Variants in DCDC1 observed in about 807,000 individuals in gnomAD.
The protein encoded by DCDC1 is doublecortin domain containing 1.
In DCDC1, 200 loss-of-function variants were observed where a neutral mutation model predicts 178.3. That is an observed-to-expected ratio of 1.12 (90% CI 1.00 to 1.26). DCDC1 has a LOEUF of 1.26. Among genes scored for constraint, DCDC1 ranks in the 50% most tolerant of loss-of-function variants. The pLI is 0.00. For synonymous variants in DCDC1, 690 were observed against 604.8 expected (o/e 1.14, Z -2.07); for missense variants, 1,983 against 1,749.2 (o/e 1.13, Z -2.38).
At chr11:31,215,654 A>G (rs1001734970) in intron 9 of DCDC1, among the ~76,000 whole-genome samples, 2 of 151,888 alleles carry the variant, frequency 1.3e-5, no homozygotes, top group Non-Finnish European at 2.9e-5. Context: ...TTAGCCGGGC[A>G]TGGTGGTGTG....
At chr11:31,368,942 ACACCAC>A (rs534970534) in intron 1 of DCDC1, among the ~76,000 whole-genome samples, 1 of 151,596 alleles carries the variant, frequency 6.6e-6, no homozygotes, top group Admixed American at 6.6e-5. Flanking sequence ...GGTGAGAAAA[ACACCAC>A]CACCACCACC....
At chr11:31,087,696 T>C (rs978460943) in intron 17 of DCDC1, among the ~76,000 whole-genome samples, 1 of 152,164 alleles carries the variant, frequency 6.6e-6, no homozygotes, top group African/African-American at 2.4e-5. Flanking sequence ...ACACACTCTA[T>C]ATTACTTGAA....
At chr11:30,927,520 C>T (rs1289224264) in intron 22 of DCDC1, among the ~76,000 whole-genome samples, 3 of 152,020 alleles carry the variant, frequency 2.0e-5, no homozygotes, top group East Asian at 1.9e-4. Flanking sequence ...GAAAACAAGC[C>T]TTGGAGAAGG....
At position 30,894,361 on chromosome 11, in the gene DCDC1, G is replaced by T. The variant is rs1944033599; in HGVS notation, c.4789C>A (p.Pro1597Thr). 1 of 1,613,668 alleles carries T rather than the reference G, an allele frequency of 6.2e-7. No individual in the cohort carries two copies. The highest frequency in any genetic ancestry group is 1.3e-5 in the African/African-American group (1 of 74,908). The change falls in exon 35 of 39, where the codon CCA (proline) becomes ACA (threonine). Residue 1597 changes from proline to threonine, a missense_variant. Physicochemically the swap from Pro to Thr is conservative, Grantham distance 38. Coordinates refer to ENST00000684477, the MANE Select transcript of DCDC1 (RefSeq NM_001387274.1). ...LKGRRVAACQ[P>T]ATMVPTKSPV... ...CTCTTGGTAGGAACCATGGTGGCTG[G>T]CTGACATGCCGCTACTCGCCGCCCT...
intron 28 of DCDC1, among the ~76,000 whole-genome samples, chr11:30,910,629 T>G (rs2134171335): frequency 6.6e-6 from 1 of 152,270 alleles, no homozygotes; most frequent in African/African-American, 2.4e-5. Context: ...AAAGCAGGAA[T>G]GCCTCTTCAC....
chr11:31,127,560 T>C lies in DCDC1; in HGVS notation c.1394A>G (p.Gln465Arg). 1 of 702,790 alleles carries C rather than the reference T, an allele frequency of 1.4e-6. No homozygotes were observed. The highest frequency in any genetic ancestry group is 2.6e-6 in the Non-Finnish European group (1 of 384,830). 43.5% of individuals were successfully genotyped at this position (702,790 alleles called of 1,614,324 possible). A position where few individuals can be genotyped will look rare whatever the true frequency, so the allele number is the denominator to read the frequency against. Residue 465 changes from glutamine (Q) to arginine (R), a missense_variant, in exon 11 of 39, where the codon CAG becomes CGG. By Grantham distance (43) the Gln-to-Arg change is conservative (BLOSUM62 1). Coordinates refer to ENST00000684477, the MANE Select transcript of DCDC1 (RefSeq NM_001387274.1). Reference protein sequence around the residue: ...GHLCKLGPQLQAEQEQFSSYV... With the variant: ...GHLCKLGPQLRAEQEQFSSYV... Reference sequence around the variant, plus strand: ...AGAGGAGAATTGCTCCTGCTCAGCCTGTAATTGGGGGCCAAGTTTACAGAG... The same window carrying C: ...AGAGGAGAATTGCTCCTGCTCAGCCCGTAATTGGGGGCCAAGTTTACAGAG...
In DCDC1 at chr11:31,091,473, G is replaced by A; in HGVS notation, c.2157C>T (p.Cys719=). ...MILSRAITQG[C]LAIGHPIRVK... ...CTCTGATAGGATGACCAATAGCCAG[G>A]CAGCCCTGAGTTATCGCTCGGCTCA... The change falls in exon 17 of 39, where the codon TGC becomes TGT. Residue 719 remains cysteine (C), a synonymous_variant. Coordinates refer to ENST00000684477, the MANE Select transcript of DCDC1 (RefSeq NM_001387274.1). 1 of 761,578 alleles carries A rather than the reference G, an allele frequency of 1.3e-6. No individual in the cohort carries two copies. The highest frequency in any genetic ancestry group is 2.4e-6 in the Non-Finnish European group (1 of 415,700). The allele number at this position is 761,578 out of a possible 1,614,324, so 47.2% of individuals were successfully genotyped here. A position where few individuals can be genotyped will look rare whatever the true frequency, so the allele number is the denominator to read the frequency against.
intron 20 of DCDC1, among the ~76,000 whole-genome samples, chr11:31,042,273 A>G (rs1243771251): frequency 6.6e-6 from 1 of 152,242 alleles, no homozygotes; most frequent in Non-Finnish European, 1.5e-5. Flanking sequence ...TCAATAATTC[A>G]AAACTTGTTT....
chr11:30,865,614 G>A (rs189770534), intron 38 of DCDC1, among the ~76,000 whole-genome samples: 380 of 152,182 alleles, frequency 2.5e-3, no homozygotes, highest in Non-Finnish European at 2.4e-3. Context: ...AAGACTGACC[G>A]GAAATCTGAA....
chr11:31,005,035 T>C (rs1362768601), intron 20 of DCDC1, among the ~76,000 whole-genome samples: 1 of 152,212 alleles, frequency 6.6e-6, no homozygotes, highest in Non-Finnish European at 1.5e-5. Flanking sequence ...ATTAGTGAAC[T>C]GATATGATAT....
intron 10 of DCDC1, among the ~76,000 whole-genome samples, chr11:31,134,830 A>G (rs1390645195): frequency 6.6e-6 from 1 of 152,104 alleles, no homozygotes; most frequent in Non-Finnish European, 1.5e-5. Context: ...CCCTATCTCT[A>G]CAAAAAAATT....
chr11:31,003,278 G>A (rs1200771601), intron 20 of DCDC1, among the ~76,000 whole-genome samples: 1 of 152,132 alleles, frequency 6.6e-6, no homozygotes, highest in Non-Finnish European at 1.5e-5. Flanking sequence ...GATTGTTGTT[G>A]CAGACAGTGA....
chr11:31,349,717 T>C (rs755436302), intron 1 of DCDC1, among the ~76,000 whole-genome samples: 4 of 152,132 alleles, frequency 2.6e-5, no homozygotes, highest in Non-Finnish European at 5.9e-5. Flanking sequence ...TTCATATACA[T>C]GGCTGTTTGT....
intron 8 of DCDC1, among the ~76,000 whole-genome samples, chr11:31,251,413 T>C (rs998941376): frequency 1.1e-4 from 17 of 152,130 alleles, no homozygotes; most frequent in African/African-American, 3.9e-4. Flanking sequence ...GTAAAGCAGA[T>C]TGGCCTCTCT....
chr11:31,303,372 T>C (rs1948242418), intron 6 of DCDC1, among the ~76,000 whole-genome samples: 1 of 152,186 alleles, frequency 6.6e-6, no homozygotes, highest in South Asian at 2.1e-4. Context: ...ATTTCCCCTA[T>C]TTACCTTTAG....
At chr11:30,997,408 G>A (rs1442082983) in intron 20 of DCDC1, among the ~76,000 whole-genome samples, 1 of 152,026 alleles carries the variant, frequency 6.6e-6, no homozygotes, top group Non-Finnish European at 1.5e-5. Context: ...ATCAATCTAA[G>A]TGTACAATAA....
intron 9 of DCDC1, among the ~76,000 whole-genome samples, chr11:31,217,378 C>G (rs969250263): frequency 2.0e-5 from 3 of 152,128 alleles, no homozygotes; most frequent in Admixed American, 1.3e-4. Context: ...TTTAGATACT[C>G]TGATCTGGAG....
At chr11:31,226,989 T>C (rs1975054214) in intron 9 of DCDC1, among the ~76,000 whole-genome samples, 1 of 152,062 alleles carries the variant, frequency 6.6e-6, no homozygotes, top group East Asian at 1.9e-4. Context: ...TAAAAACATA[T>C]GTTTCTTACA....
intron 1 of DCDC1, among the ~76,000 whole-genome samples, chr11:31,339,534 T>C (rs1950439855): frequency 6.6e-6 from 1 of 152,216 alleles, no homozygotes; most frequent in Non-Finnish European, 1.5e-5. Context: ...TATATGCTAG[T>C]AATACCTGAA....
Sources: gnomAD v4.1 joint callset for allele counts (sites outside exome capture counted in the v4.1 genomes callset) on GRCh38, gnomAD v4.1.1 for gene constraint, MANE v1.5 for transcripts, NCBI Gene and HGNC (gene_info 2026-07-23, HGNC 2026-07-21) for gene names.